AIG1: variants seen among roughly 807,000 people sequenced by gnomAD.
AIG1 encodes the protein androgen-induced gene 1 protein.
A neutral mutation model predicts 31.4 loss-of-function variants in AIG1; 23 were observed. The observed-to-expected ratio is 0.73, with a 90% CI of 0.53 to 1.04. The LOEUF (loss-of-function observed/expected upper bound fraction) is 1.04, where lower values mean the gene tolerates loss of function less well. Ranked by LOEUF, AIG1 falls within the 50% of genes least tolerant of loss-of-function variation. The pLI is 0.00. For synonymous variants in AIG1, 100 were observed against 110.5 expected (o/e 0.90, Z 0.60); for missense variants, 274 against 295.0 (o/e 0.93, Z 0.52).
chr6:143,189,614 A>C, intron 3 of AIG1: 1 of 985,272 alleles, frequency 1.0e-6, no homozygotes, highest in Non-Finnish European at 1.2e-6. Flanking sequence ...TCATTGTTTT[A>C]CCCTACTATC....
intron 3 of AIG1, among the ~76,000 whole-genome samples, chr6:143,206,336 T>TTC (rs1791105841): frequency 6.6e-6 from 1 of 152,232 alleles, no homozygotes; most frequent in Non-Finnish European, 1.5e-5. Flanking sequence ...CCATTACATT[T>TTC]TCTCTATCAC....
At chr6:143,130,499 G>A (rs916887732) in intron 1 of AIG1, among the ~76,000 whole-genome samples, 2 of 151,658 alleles carry the variant, frequency 1.3e-5, no homozygotes, top group Non-Finnish European at 2.9e-5. Flanking sequence ...GGTAGATCAC[G>A]AGGTCAGGAG....
intron 1 of AIG1, among the ~76,000 whole-genome samples, chr6:143,119,564 AGGG>A (rs369044308): frequency 7.8e-4 from 119 of 152,346 alleles, no homozygotes; most frequent in African/African-American, 2.8e-3. Flanking sequence ...ACAAAACTGT[AGGG>A]CCTTCACCTA....
At chr6:143,266,576 C>T (rs2128663577) in intron 3 of AIG1, among the ~76,000 whole-genome samples, 1 of 152,062 alleles carries the variant, frequency 6.6e-6, no homozygotes, top group South Asian at 2.1e-4. Flanking sequence ...ATCCATATAT[C>T]AGAACCCCAA....
intron 1 of AIG1, chr6:143,061,333 AGGT>A: frequency 1.7e-6 from 1 of 595,546 alleles, no homozygotes; most frequent in Non-Finnish European, 3.2e-6. Context: ...GGGCGCAGCC[AGGT>A]GGTGGGCTCT....
rs1057437120 is a variant in AIG1, at chr6:143,288,385, G to A, written c.515+4160G>A. Reference sequence around the variant, plus strand: ...AGATCTCAGAAGCCATGTATAATACGTGCTGATCTCTCAACCCAGGACACA... The same window carrying A: ...AGATCTCAGAAGCCATGTATAATACATGCTGATCTCTCAACCCAGGACACA... On this transcript the variant is annotated intron_variant, in intron 4 of 5. Transcript: ENST00000357847. This position sits in a 1 kb window ranked among gnomAD's most constrained non-coding sequence, Gnocchi z 4.4. Among the ~76,000 whole-genome samples, 12 of 152,224 alleles carry A rather than the reference G, an allele frequency of 7.9e-5. No homozygotes were observed. Among genetic ancestry groups the A allele is most frequent in the African/African-American group, 1.9e-4 (8 of 41,532 alleles).
At chr6:143,205,339 T>C (rs771181064) in intron 3 of AIG1, among the ~76,000 whole-genome samples, 3 of 152,210 alleles carry the variant, frequency 2.0e-5, no homozygotes, top group African/African-American at 4.8e-5. Flanking sequence ...GTCTGGCAGG[T>C]ATTCAAAGCT....
At chr6:143,118,713 TG>T (rs2128497898) in intron 1 of AIG1, among the ~76,000 whole-genome samples, 2 of 152,336 alleles carry the variant, frequency 1.3e-5, no homozygotes, top group East Asian at 3.9e-4. Context: ...TTATCATTTA[TG>T]TTGCCTTATG....
chr6:143,166,331 G>A (rs1244334437), intron 3 of AIG1, among the ~76,000 whole-genome samples: 1 of 152,152 alleles, frequency 6.6e-6, no homozygotes, highest in Admixed American at 6.5e-5. Context: ...GGCCTGGCAT[G>A]GTTACTATGG....
At chr6:143,173,200 C>T (rs554605270) in intron 3 of AIG1, among the ~76,000 whole-genome samples, 9 of 152,048 alleles carry the variant, frequency 5.9e-5, no homozygotes, top group Non-Finnish European at 8.8e-5. Context: ...GGATTACAGG[C>T]GTGCACCACC....
intron 3 of AIG1, among the ~76,000 whole-genome samples, chr6:143,255,748 T>C (rs1795337063): frequency 6.6e-6 from 1 of 152,176 alleles, no homozygotes; most frequent in Non-Finnish European, 1.5e-5. Context: ...TCACACTCTA[T>C]GGAAATTTGA....
At chr6:143,117,622 T>G (rs1781851740) in intron 1 of AIG1, among the ~76,000 whole-genome samples, 1 of 152,118 alleles carries the variant, frequency 6.6e-6, no homozygotes, top group Admixed American at 6.6e-5. Context: ...TGCAGAAGTC[T>G]GGCTAACTGG....
At chr6:143,314,088 A>G (rs1775526702) in intron 4 of AIG1, among the ~76,000 whole-genome samples, 1 of 151,256 alleles carries the variant, frequency 6.6e-6, no homozygotes, top group African/African-American at 2.4e-5. Flanking sequence ...GTGGTTCACA[A>G]CTATAATCCT....
intron 2 of AIG1, among the ~76,000 whole-genome samples, chr6:143,143,554 T>TATATATAC (rs762393675): frequency 9.6e-6 from 1 of 103,982 alleles, no homozygotes; most frequent in South Asian, 3.5e-4. Flanking sequence ...TATATATATA[T>TATATATAC]ACACACACAC....
At chr6:143,205,667 A>G (rs1290671189) in intron 3 of AIG1, among the ~76,000 whole-genome samples, 6 of 152,238 alleles carry the variant, frequency 3.9e-5, no homozygotes, top group Non-Finnish European at 8.8e-5. Flanking sequence ...ACACTTGCCC[A>G]TACAACACAG....
chr6:143,232,029 A>G (rs955762309), intron 3 of AIG1, among the ~76,000 whole-genome samples: 1 of 152,354 alleles, frequency 6.6e-6, no homozygotes, highest in African/African-American at 2.4e-5. Context: ...TTAATCATAA[A>G]GGCATTGTGG....
chr6:143,285,299 A>G (rs1312888151), intron 4 of AIG1, among the ~76,000 whole-genome samples: 2 of 151,300 alleles, frequency 1.3e-5, no homozygotes, highest in African/African-American at 4.8e-5. Context: ...GGGGACATCC[A>G]GAGGATGTCC....
intron 1 of AIG1, among the ~76,000 whole-genome samples, chr6:143,063,765 A>G (rs1374625185): frequency 6.6e-6 from 1 of 152,196 alleles, no homozygotes; most frequent in Non-Finnish European, 1.5e-5. Flanking sequence ...CCTGATAGCC[A>G]CAGTTGGATT....
Position 143,331,878 on chromosome 6 carries a change from T to TATC in AIG1, c.516-1402_516-1401insCAT, listed in dbSNP as rs1381205142. Among the ~76,000 whole-genome samples the TATC allele has an allele frequency of 1.4e-5, 2 of 147,784 alleles. No individual in the cohort carries two copies. Among genetic ancestry groups the TATC allele is most frequent in the South Asian group, 4.2e-4 (2 of 4,742 alleles). On this transcript the variant is annotated intron_variant, in intron 4 of 5. Transcript: ENST00000357847. This position sits in a 1 kb window ranked among gnomAD's most constrained non-coding sequence, Gnocchi z 4.1. ...TTATTATTATTATTATTATTATTATTATTATTATTTTGAGACCAAGTCTCA... is the reference window on the plus strand; with the variant it reads ...TTATTATTATTATTATTATTATTATTATCATTATTATTTTGAGACCAAGTCTCA...
Sources: allele counts gnomAD v4.1 joint callset (sites outside exome capture counted in the v4.1 genomes callset), GRCh38; gene constraint gnomAD v4.1.1; non-coding constraint Gnocchi (gnomAD v3.1); transcripts MANE v1.5; gene names NCBI Gene and HGNC (gene_info 2026-07-23, HGNC 2026-07-21).